The following RARB variants were observed in gnomAD, a reference collection of about 807,000 sequenced individuals.
RARB encodes HBV-activated protein.
Under a neutral mutation model 51.9 loss-of-function variants are expected in RARB, and 17 were observed. That is an observed-to-expected ratio of 0.33 (90% CI 0.22 to 0.49). The LOEUF is 0.49. Ranked by LOEUF, RARB falls within the 20% of genes least tolerant of loss-of-function variation. The pLI is 0.99. For synonymous variants in RARB, 215 were observed against 195.4 expected (o/e 1.10, Z -0.84); for missense variants, 369 against 550.8 (o/e 0.67, Z 3.30).
intron 5 of RARB, among the ~76,000 whole-genome samples, chr3:25,324,934 C>T (rs1389522880): frequency 1.3e-5 from 2 of 152,116 alleles, no homozygotes; most frequent in South Asian, 2.1e-4. Context: ...CTCAAGAGAG[C>T]GTTCTTAGAT....
At chr3:25,391,042 C>T (rs1706939436) in intron 5 of RARB, among the ~76,000 whole-genome samples, 1 of 152,170 alleles carries the variant, frequency 6.6e-6, no homozygotes, top group Non-Finnish European at 1.5e-5. Context: ...TTTCATCCCT[C>T]ACACGCCCCA....
chr3:25,562,089 C>A (rs1700292956), intron 3 of RARB, among the ~76,000 whole-genome samples: 1 of 152,154 alleles, frequency 6.6e-6, no homozygotes, highest in African/African-American at 2.4e-5. Context: ...CTTAGACTGT[C>A]AGCCTTTTTT....
chr3:25,124,553 C>T (rs770477036), intron 3 of RARB, among the ~76,000 whole-genome samples: 13 of 152,144 alleles, frequency 8.5e-5, no homozygotes, highest in African/African-American at 1.7e-4. Flanking sequence ...CCTAATAGAT[C>T]GGTAGAGTCA....
intron 3 of RARB, among the ~76,000 whole-genome samples, chr3:25,118,836 G>A (rs577275817): frequency 3.9e-5 from 6 of 152,084 alleles, no homozygotes; most frequent in Admixed American, 2.6e-4. Context: ...AATGGGAATG[G>A]AGGTCCCAGA....
chr3:25,178,550 C>A (rs1167620246), intron 5 of RARB, among the ~76,000 whole-genome samples: 1 of 152,116 alleles, frequency 6.6e-6, no homozygotes, highest in African/African-American at 2.4e-5. Flanking sequence ...AGAGCGCATG[C>A]CTTTCCCAGT....
intron 2 of RARB, among the ~76,000 whole-genome samples, chr3:25,475,235 T>TCTTATTTCTTATGAG (rs1380121360): frequency 2.0e-5 from 3 of 152,198 alleles, no homozygotes; most frequent in Non-Finnish European, 4.4e-5. Flanking sequence ...TTTTTATCTG[T>TCTTATTTCTTATGAG]CTTATTTCTT....
At chr3:24,847,765 C>T (rs893252323) in intron 1 of RARB, among the ~76,000 whole-genome samples, 1 of 152,214 alleles carries the variant, frequency 6.6e-6, no homozygotes, top group East Asian at 1.9e-4. Flanking sequence ...TGTTAAAATA[C>T]AAGCTAATTC....
chr3:24,898,836 G>A (rs1703535499), intron 2 of RARB, among the ~76,000 whole-genome samples: 1 of 152,110 alleles, frequency 6.6e-6, no homozygotes, highest in Non-Finnish European at 1.5e-5. Flanking sequence ...TCTCCACCAG[G>A]CTGCACACCA....
chr3:24,966,791 T>C (rs1696284616), intron 2 of RARB, among the ~76,000 whole-genome samples: 2 of 152,340 alleles, frequency 1.3e-5, no homozygotes, highest in Non-Finnish European at 1.5e-5. Context: ...GTTATCAGCA[T>C]GAATTCTTAA....
chr3:24,835,225 T>C (rs1442654171), intron 1 of RARB, among the ~76,000 whole-genome samples: 1 of 152,192 alleles, frequency 6.6e-6, no homozygotes, highest in Non-Finnish European at 1.5e-5. Context: ...CTTGTCTCAG[T>C]TTCACCTATG....
At chr3:25,461,084 A>T in intron 1 of RARB, 109 bp from the exon 2 acceptor site, 1 of 1,267,524 alleles carries the variant, frequency 7.9e-7, no homozygotes, top group South Asian at 1.5e-5. Flanking sequence ...CATTCTTGCT[A>T]GTGTTATTGC....
At chr3:25,232,858 T>G (rs919230248) in intron 5 of RARB, among the ~76,000 whole-genome samples, 18 of 152,288 alleles carry the variant, frequency 1.2e-4, no homozygotes, top group Middle Eastern at 3.4e-3. Flanking sequence ...AGTTTTATGT[T>G]AGATGATTGT....
intron 3 of RARB, among the ~76,000 whole-genome samples, chr3:25,121,966 G>A (rs1699791458): frequency 6.6e-6 from 1 of 152,056 alleles, no homozygotes; most frequent in Non-Finnish European, 1.5e-5. Context: ...GAAAAGCAGC[G>A]CTGTATTAGG....
At chr3:25,356,485 A>G (rs888221011) in intron 5 of RARB, among the ~76,000 whole-genome samples, 1 of 151,924 alleles carries the variant, frequency 6.6e-6, no homozygotes, top group African/African-American at 2.4e-5. Context: ...TACATGAAAG[A>G]AAAAATAGAA....
At chr3:25,342,568 C>T (rs1033079721) in intron 5 of RARB, among the ~76,000 whole-genome samples, 20 of 152,276 alleles carry the variant, frequency 1.3e-4, no homozygotes, top group Non-Finnish European at 2.5e-4. Context: ...AAAACAAGTA[C>T]CAACCTTCTT....
chr3:24,997,036 C>G (rs749721787), intron 2 of RARB, among the ~76,000 whole-genome samples: 1 of 151,018 alleles, frequency 6.6e-6, no homozygotes, highest in Non-Finnish European at 1.5e-5. Context: ...CACGATCCGT[C>G]GAATATTGAG....
intron 5 of RARB, among the ~76,000 whole-genome samples, chr3:25,423,111 C>T (rs1397906359): frequency 1.3e-5 from 2 of 152,122 alleles, no homozygotes; most frequent in Non-Finnish European, 2.9e-5. Flanking sequence ...TTGCTGACCC[C>T]GGTTTTAGAA....
intron 5 of RARB, among the ~76,000 whole-genome samples, chr3:25,325,802 C>T (rs1180822345): frequency 1.1e-5 from 1 of 92,000 alleles, no homozygotes; most frequent in African/African-American, 4.2e-5. Context: ...TGGGGGAAGC[C>T]AAAAACAAAG....
At position 25,376,452 on chromosome 3, in the gene RARB, A is replaced by T. The variant is rs551464920; in HGVS notation, c.179-84741A>T. ...TACCAGTCTTTATGGCCCCAGATAC[A>T]ACCTTGTCTTGACGTTACCTCATAA... On this transcript the variant is annotated intron_variant, in intron 5 of 11. Transcript: ENST00000383772. 5.9e-5 allele frequency among the ~76,000 whole-genome samples: 9 copies of T among 152,298 alleles called. No homozygotes were observed. In the East Asian group the frequency reaches 1.7e-3, roughly 29 times the overall value.
Sources: gnomAD v4.1 joint callset for allele counts (sites outside exome capture counted in the v4.1 genomes callset) on GRCh38, gnomAD v4.1.1 for gene constraint, MANE v1.5 for transcripts, NCBI Gene and HGNC (gene_info 2026-07-23, HGNC 2026-07-21) for gene names.